The following ZPLD1 variants were observed in gnomAD, a reference collection of about 807,000 sequenced individuals.
The protein encoded by ZPLD1 is zona pellucida-like domain-containing protein 1.
A neutral mutation model predicts 47.2 loss-of-function variants in ZPLD1; 34 were observed. That is an observed-to-expected ratio of 0.72 (90% CI 0.55 to 0.96). ZPLD1 has a LOEUF of 0.96. Among genes scored for constraint, ZPLD1 ranks in the 40% least tolerant of loss-of-function variants. ZPLD1 has a pLI of 0.00. For synonymous variants in ZPLD1, 176 were observed against 186.2 expected (o/e 0.95, Z 0.45); for missense variants, 512 against 505.8 (o/e 1.01, Z -0.12).
intron 3 of ZPLD1, among the ~76,000 whole-genome samples, chr3:102,446,535 T>A (rs762013972): frequency 2.6e-5 from 4 of 152,164 alleles, no homozygotes; most frequent in African/African-American, 4.8e-5. Flanking sequence ...ATGTCTCATA[T>A]GTAACTCAGC....
intron 7 of ZPLD1, among the ~76,000 whole-genome samples, chr3:102,392,658 A>G (rs1706510764): frequency 2.6e-5 from 4 of 151,942 alleles, no homozygotes; most frequent in Admixed American, 2.0e-4. Flanking sequence ...TAAATCCATC[A>G]ATCTATGAAT....
At chr3:102,467,650 C>G (rs868866730) in intron 8 of ZPLD1, among the ~76,000 whole-genome samples, 6 of 151,946 alleles carry the variant, frequency 3.9e-5, no homozygotes, top group African/African-American at 1.4e-4. Flanking sequence ...CTATACTTCA[C>G]TCAATATACC....
At chr3:102,407,178 G>A (rs1706697227) in intron 7 of ZPLD1, among the ~76,000 whole-genome samples, 1 of 150,698 alleles carries the variant, frequency 6.6e-6, no homozygotes, top group African/African-American at 2.4e-5. Flanking sequence ...GTGCTCCAGG[G>A]GTTTAACTGC....
intron 3 of ZPLD1, among the ~76,000 whole-genome samples, chr3:102,452,114 CGTGTGTGTGT>C (rs56086826): frequency 0.015 from 2,061 of 141,798 alleles, 49 homozygotes; most frequent in African/African-American, 0.05. Flanking sequence ...ATATGAAGAC[CGTGTGTGTGT>C]GTGTGTGTGT....
chr3:102,460,413 A>G (rs1172677033), intron 6 of ZPLD1, among the ~76,000 whole-genome samples: 1 of 151,946 alleles, frequency 6.6e-6, no homozygotes, highest in Non-Finnish European at 1.5e-5. Context: ...TCTATCAGCT[A>G]TGTGATTTTC....
chr3:102,448,605 T>C (rs532810489), intron 3 of ZPLD1, among the ~76,000 whole-genome samples: 1 of 152,354 alleles, frequency 6.6e-6, no homozygotes, highest in South Asian at 2.1e-4. Flanking sequence ...CAGATCTCTT[T>C]TCTTACACTG....
At chr3:102,441,633 T>A (rs1707178704) in intron 3 of ZPLD1, among the ~76,000 whole-genome samples, 1 of 152,186 alleles carries the variant, frequency 6.6e-6, no homozygotes, top group South Asian at 2.1e-4. Context: ...ACTTTTATCA[T>A]TAAATAAGCA....
At chr3:102,455,670 C>A (rs1304433137) in intron 4 of ZPLD1, among the ~76,000 whole-genome samples, 1 of 152,130 alleles carries the variant, frequency 6.6e-6, no homozygotes, top group Non-Finnish European at 1.5e-5. Context: ...AACTGCCCAG[C>A]GAGCAGGCTG....
chr3:102,458,567 T>C (rs1004089380), intron 6 of ZPLD1, among the ~76,000 whole-genome samples: 1 of 152,194 alleles, frequency 6.6e-6, no homozygotes, highest in Non-Finnish European at 1.5e-5. Flanking sequence ...TGCATTATTA[T>C]TCATGTCATC....
Position 102,421,055 on chromosome 3 carries a change from T to A in ZPLD1, c.-9+2848T>A, listed in dbSNP as rs761055740. Among the ~76,000 whole-genome samples, 58 of 151,962 alleles carry A rather than the reference T, an allele frequency of 3.8e-4. 1 individual carries two copies. Among genetic ancestry groups the A allele is most frequent in the Non-Finnish European group, 1.0e-4 (7 of 67,870 alleles). On this transcript the variant is annotated intron_variant, in intron 8 of 17. Coordinates refer to the ZPLD1 transcript ENST00000491959. Reference sequence around the variant, plus strand: ...GTTAGGATTCTCTATAAAATGAGATTAACTTGAACCTTTCACTAACATTGT... The same window carrying A: ...GTTAGGATTCTCTATAAAATGAGATAAACTTGAACCTTTCACTAACATTGT...
upstream of ZPLD1, among the ~76,000 whole-genome samples, chr3:102,432,168 C>T (rs1369935947): frequency 6.6e-5 from 10 of 151,984 alleles, no homozygotes; most frequent in Admixed American, 5.9e-4. Flanking sequence ...TTAATGTTTC[C>T]AGTAATTTAA....
At chr3:102,406,543 A>T (rs1706687517) in intron 7 of ZPLD1, among the ~76,000 whole-genome samples, 1 of 151,948 alleles carries the variant, frequency 6.6e-6, no homozygotes, top group African/African-American at 2.4e-5. Flanking sequence ...ACAAGTTTTT[A>T]GGATGGACAC....
intron 3 of ZPLD1, among the ~76,000 whole-genome samples, chr3:102,442,319 A>AACACACACAC (rs34634788): frequency 6.4e-5 from 9 of 139,846 alleles, no homozygotes; most frequent in Admixed American, 7.3e-5. Context: ...TACACCCATA[A>AACACACACAC]ACACACACAC....
chr3:102,438,352 G>A (rs192926395), intron 2 of ZPLD1, 128 bp from the exon 3 acceptor site: 189 of 600,272 alleles, frequency 3.1e-4, no homozygotes, highest in African/African-American at 2.7e-3. Context: ...CAGTTATTTC[G>A]TGAGCTTTGG....
intron 6 of ZPLD1, 75 bp downstream of exon 6, chr3:102,457,928 T>TA: frequency 2.1e-6 from 3 of 1,445,872 alleles, no homozygotes; most frequent in East Asian, 4.6e-5. Context: ...GGCTTTTATA[T>TA]AAAAATCTAC....
rs145364200 is a variant in ZPLD1 at position 102,440,971 on chromosome 3, GTTGT to G, written c.106+2386_106+2389del. ...AAGGAGTTAACCTTGGAAAAGTGTA[GTTGT>G]TTGTTTGATTTAAGTGAGAAGGAGA... On this transcript the variant is annotated intron_variant, in intron 3 of 11. Transcript: ENST00000466937. Among the ~76,000 whole-genome samples, 125 of 152,274 alleles carry G rather than the reference GTTGT, an allele frequency of 8.2e-4. 2 individuals are homozygous for G. In the East Asian group the frequency reaches 0.021, roughly 25 times the overall value.
At chr3:102,402,810 A>G (rs1416187468) in intron 7 of ZPLD1, among the ~76,000 whole-genome samples, 1 of 151,978 alleles carries the variant, frequency 6.6e-6, no homozygotes, top group Non-Finnish European at 1.5e-5. Context: ...TGCATTGTTA[A>G]ATGTCAAAGA....
rs184632494 is a variant in ZPLD1 at position 102,394,796 on chromosome 3, C to T, written c.-157+2571C>T. Among the ~76,000 whole-genome samples, 10 of 152,184 alleles carry T rather than the reference C, an allele frequency of 6.6e-5. No homozygotes were observed. The East Asian group carries it at 1.5e-3, about 23-fold the overall frequency. On this transcript the variant is annotated intron_variant, in intron 7 of 17. Coordinates refer to the ZPLD1 transcript ENST00000491959. ...TGTCACATTTGCAAATTTCTCAGTC[C>T]TACAAAGTACAATATGGAAAGAAAT...
At chr3:102,474,571 A>G (rs546732958) in intron 10 of ZPLD1, among the ~76,000 whole-genome samples, 1 of 152,270 alleles carries the variant, frequency 6.6e-6, no homozygotes, top group Non-Finnish European at 1.5e-5. Flanking sequence ...TGTGTGGTCC[A>G]TTTTACTACA....
Sources: allele counts gnomAD v4.1 joint callset (sites outside exome capture counted in the v4.1 genomes callset), GRCh38; gene constraint gnomAD v4.1.1; transcripts MANE v1.5; gene names NCBI Gene and HGNC (gene_info 2026-07-23, HGNC 2026-07-21).